USP42: variants seen among roughly 807,000 people sequenced by gnomAD.
USP42 encodes ubiquitin carboxyl-terminal hydrolase 42.
A neutral mutation model predicts 113.0 loss-of-function variants in USP42; 23 were observed. The ratio of observed to expected loss-of-function variants is 0.20; its 90% CI spans 0.15 to 0.29. The LOEUF (loss-of-function observed/expected upper bound fraction) is 0.29, where lower values mean the gene tolerates loss of function less well. Among genes scored for constraint, USP42 ranks in the 10% least tolerant of loss-of-function variants. The probability of loss-of-function intolerance (pLI) is 1.00; values close to 1 mark genes in which losing one functional copy is unlikely to be tolerated. For missense variants in USP42, 2,174 were observed against 1,779.8 expected (o/e 1.22, Z -3.99); for synonymous variants, 933 against 699.0 (o/e 1.33, Z -5.28).
chr7:6,145,250 G>A (rs751013700), intron 9 of USP42, among the ~76,000 whole-genome samples: 3 of 151,660 alleles, frequency 2.0e-5, no homozygotes, highest in Non-Finnish European at 4.4e-5. Context: ...ACAATCACTT[G>A]AACCCGGGAG....
the USP42 span, among the ~76,000 whole-genome samples, chr7:6,090,790 AAT>A: frequency 6.9e-6 from 1 of 144,984 alleles, no homozygotes; most frequent in Non-Finnish European, 1.5e-5. Flanking sequence ...TATATAACAT[AAT>A]ATATATAACA....
In USP42 at chr7:6,158,916, G is replaced by A. The variant is rs963034828; in HGVS notation, c.3944-534G>A. On this transcript the variant is annotated intron_variant, in intron 16 of 17. Transcript: ENST00000306177. This position sits in a 1 kb window ranked among gnomAD's most constrained non-coding sequence, Gnocchi z 4.2. Reference sequence around the variant, plus strand: ...GGTTGAACGTGATCTTGTTTGCCTCGTGTCTCGGGTGCTGTGGTCAGGCGT... The same window carrying A: ...GGTTGAACGTGATCTTGTTTGCCTCATGTCTCGGGTGCTGTGGTCAGGCGT... 2.6e-5 allele frequency among the ~76,000 whole-genome samples: 4 copies of A among 151,170 alleles called. No homozygotes were observed. Among genetic ancestry groups the A allele is most frequent in the East Asian group, 2.1e-4 (1 of 4,794 alleles).
intron 2 of USP42, chr7:6,111,992 C>A (rs761297074): frequency 6.6e-6 from 1 of 152,182 alleles, no homozygotes; most frequent in Non-Finnish European, 1.5e-5. Context: ...AACTTGTTAA[C>A]CAGTAGTTAT....
At position 6,159,541 on chromosome 7, in the gene USP42, G is replaced by C; in HGVS notation, c.*36+48G>C. 1 of 1,564,820 alleles carries C rather than the reference G, an allele frequency of 6.4e-7. No homozygotes were observed. The highest frequency in any genetic ancestry group is 1.7e-5 in the Admixed American group (1 of 59,418). ...TCCTCATTGTTTGTGGTGGCGCTGA[G>C]GGGACGCAGGCAGAGGAGTTTTAAT... On this transcript the variant is annotated intron_variant, in intron 17 of 17. Transcript: ENST00000306177. This position sits in a 1 kb window ranked among gnomAD's most constrained non-coding sequence, Gnocchi z 4.1.
chr7:6,101,519 TGGA>T (rs1790127034), upstream of USP42, among the ~76,000 whole-genome samples: 1 of 151,380 alleles, frequency 6.6e-6, no homozygotes, highest in South Asian at 2.1e-4. Flanking sequence ...CACTCTGATC[TGGA>T]GGAGAACAAG....
intron 3 of USP42, among the ~76,000 whole-genome samples, chr7:6,117,602 C>T (rs1423387230): frequency 6.6e-6 from 1 of 152,138 alleles, no homozygotes; most frequent in African/African-American, 2.4e-5. Flanking sequence ...TGTACTTTAA[C>T]ATTTTAAGAG....
In USP42 at chr7:6,159,246, C is replaced by T. The variant is rs140090768; in HGVS notation, c.3944-204C>T. On this transcript the variant is annotated intron_variant, in intron 16 of 17. Transcript: ENST00000306177. This position sits in a 1 kb window ranked among gnomAD's most constrained non-coding sequence, Gnocchi z 4.1. ...GGTTGGATGGAGCCCTCAGTCATCA[C>T]GTAAACCCTTTGACATCAGTAAAAC... is the stretch of plus-strand genomic sequence containing the variant. 0.011 allele frequency among the ~76,000 whole-genome samples: 1,626 copies of T among 152,282 alleles called. 21 individuals are homozygous for T. The highest frequency in any genetic ancestry group is 0.037 in the African/African-American group (1,545 of 41,560).
chr7:6,132,039 C>T (rs1177893237), intron 3 of USP42, among the ~76,000 whole-genome samples: 1 of 152,000 alleles, frequency 6.6e-6, no homozygotes, highest in African/African-American at 2.4e-5. Context: ...CTCAAGTAAT[C>T]CTCCCACCTC....
At chr7:6,112,471 A>AG (rs202027294) in intron 2 of USP42, among the ~76,000 whole-genome samples, 1 of 151,946 alleles carries the variant, frequency 6.6e-6, no homozygotes, top group Non-Finnish European at 1.5e-5. Context: ...AGAAAAAAAA[A>AG]AGAGAGCATG....
At chr7:6,142,040 C>T (rs995010463) in intron 7 of USP42, among the ~76,000 whole-genome samples, 5 of 152,042 alleles carry the variant, frequency 3.3e-5, no homozygotes, top group Admixed American at 6.6e-5. Flanking sequence ...ATTCCTGTGC[C>T]GAATTCCTTG....
chr7:6,146,753 C>T (rs965289475), intron 11 of USP42, among the ~76,000 whole-genome samples: 3 of 152,206 alleles, frequency 2.0e-5, no homozygotes, highest in Non-Finnish European at 4.4e-5. Context: ...CTCCGCATCG[C>T]ACTCTGTGGC....
At chr7:6,136,467 CAA>C (rs1443393612) in intron 4 of USP42, among the ~76,000 whole-genome samples, 9 of 152,124 alleles carry the variant, frequency 5.9e-5, no homozygotes, top group Non-Finnish European at 1.2e-4. Context: ...CAAAAGATGA[CAA>C]TATATTAAAG....
At chr7:6,141,005 A>T (rs1562835594) in intron 7 of USP42, 21 bp downstream of exon 7, 1 of 1,234,676 alleles carries the variant, frequency 8.1e-7, no homozygotes, top group Non-Finnish European at 1.2e-6. Context: ...TAATTATGGG[A>T]GTAATTACAT....
At chr7:6,130,423 C>T (rs892842556) in intron 3 of USP42, among the ~76,000 whole-genome samples, 14 of 152,208 alleles carry the variant, frequency 9.2e-5, no homozygotes, top group Admixed American at 3.3e-4. Flanking sequence ...AGTCCTGCCT[C>T]TGACCCTCAC....
At chr7:6,093,447 G>A in the USP42 span, among the ~76,000 whole-genome samples, 12 of 150,544 alleles carry the variant, frequency 8.0e-5, no homozygotes, top group South Asian at 4.2e-4. Flanking sequence ...CACCATGCTC[G>A]GGTAACTTTT....
Position 6,159,395 on chromosome 7 carries a change from C to T in USP42, c.3944-55C>T. ...ACTTAACGCACACACACAGCAGAGG[C>T]CCTGGCGATTTTGCAACCATCATTA... is the stretch of plus-strand genomic sequence containing the variant. On this transcript the variant is annotated intron_variant, in intron 16 of 17. Transcript: ENST00000306177. This position sits in a 1 kb window ranked among gnomAD's most constrained non-coding sequence, Gnocchi z 4.1. 6.2e-7 allele frequency: 1 copy of T among 1,612,778 alleles called. No individual in the cohort carries two copies. Among genetic ancestry groups the T allele is most frequent in the Non-Finnish European group, 8.5e-7 (1 of 1,179,078 alleles).
intron 9 of USP42, 63 bp from the exon 10 acceptor site, chr7:6,145,453 A>C: frequency 5.0e-6 from 8 of 1,603,764 alleles, no homozygotes; most frequent in Non-Finnish European, 6.8e-6. Context: ...AGTACCCTCT[A>C]CCTGAATATG....
At chr7:6,129,782 A>G (rs967491253) in intron 3 of USP42, among the ~76,000 whole-genome samples, 2 of 150,212 alleles carry the variant, frequency 1.3e-5, no homozygotes, top group African/African-American at 4.9e-5. Flanking sequence ...AATCACTTGA[A>G]CCCAGGAGGC....
Position 6,157,896 on chromosome 7 carries a change from C to T in USP42, c.3943+841C>T, listed in dbSNP as rs547550460. 3.3e-5 allele frequency among the ~76,000 whole-genome samples: 5 copies of T among 152,296 alleles called. No homozygotes were observed. The South Asian group carries it at 1.0e-3, about 32-fold the overall frequency. On this transcript the variant is annotated intron_variant, in intron 16 of 17. Transcript: ENST00000306177. The surrounding 1 kb of genome is among the most constrained non-coding windows in gnomAD (Gnocchi z 4.1). ...CCTGTGGCCACACGCTGTGCTCTTA[C>T]TGCACTTGAGGCAGCCCCCCACTTC...
Sources: gnomAD v4.1 joint callset for allele counts (sites outside exome capture counted in the v4.1 genomes callset) on GRCh38, gnomAD v4.1.1 for gene constraint, Gnocchi (gnomAD v3.1) non-coding constraint, MANE v1.5 for transcripts, NCBI Gene and HGNC (gene_info 2026-07-23, HGNC 2026-07-21) for gene names.